Variants in TOGARAM1 observed in about 807,000 individuals in gnomAD.
TOGARAM1 encodes TOG array regulator of axonemal microtubules protein 1.
A neutral mutation model predicts 166.6 loss-of-function variants in TOGARAM1; 100 were observed. The observed-to-expected ratio is 0.60, with a 90% CI of 0.51 to 0.71. TOGARAM1 has a LOEUF of 0.71. TOGARAM1 is among the 30% of genes least tolerant of loss of function. TOGARAM1 has a pLI of 0.00. For synonymous variants in TOGARAM1, 758 were observed against 763.8 expected (o/e 0.99, Z 0.13); for missense variants, 2,029 against 2,102.7 (o/e 0.96, Z 0.69).
intron 8 of TOGARAM1, among the ~76,000 whole-genome samples, chr14:45,026,722 G>A (rs1312812074): frequency 6.6e-6 from 1 of 151,998 alleles, no homozygotes; most frequent in Non-Finnish European, 1.5e-5. Context: ...AGCTCTGCCA[G>A]GTGCAGTGGC....
rs1594597363 is a variant in TOGARAM1 at position 44,964,176 on chromosome 14, A to G, written c.1755A>G (p.Gly585=). Reference sequence around the variant, plus strand: ...CCTTACCAAGGCTCACAGAGCAGGGATTTGTGGAATATGCAGTACTGATGC... The same window carrying G: ...CCTTACCAAGGCTCACAGAGCAGGGGTTTGTGGAATATGCAGTACTGATGC... ...RKTLPRLTEQ[G]FVEYAVLMPS... The change falls in exon 1 of 20, where the codon GGA becomes GGG. Residue 585 remains glycine (G), a synonymous_variant. Transcript: ENST00000361462. 3 of 1,614,038 alleles carry G rather than the reference A, an allele frequency of 1.9e-6. No homozygotes were observed. The highest frequency in any genetic ancestry group is 2.5e-6 in the Non-Finnish European group (3 of 1,180,036).
intron 11 of TOGARAM1, among the ~76,000 whole-genome samples, chr14:45,042,631 T>C (rs1219492084): frequency 2.6e-5 from 4 of 152,186 alleles, no homozygotes; most frequent in Non-Finnish European, 5.9e-5. Context: ...AATTATAATC[T>C]TTTAAATCTA....
chr14:45,024,914 C>T (rs937960650), intron 7 of TOGARAM1, among the ~76,000 whole-genome samples: 2 of 152,202 alleles, frequency 1.3e-5, no homozygotes, highest in Non-Finnish European at 2.9e-5. Flanking sequence ...TTTCATAAAA[C>T]CTAAAGCAAT....
chr14:45,045,925 G>T (rs1399808247), intron 13 of TOGARAM1, among the ~76,000 whole-genome samples: 1 of 151,502 alleles, frequency 6.6e-6, no homozygotes, highest in East Asian at 1.9e-4. Context: ...AGGATTGCTA[G>T]ATCAAATGGT....
intron 1 of TOGARAM1, among the ~76,000 whole-genome samples, chr14:44,990,492 G>A (rs989991038): frequency 5.3e-5 from 8 of 152,204 alleles, no homozygotes; most frequent in African/African-American, 1.7e-4. Context: ...TGGACTCAGA[G>A]GGACAATATA....
intron 7 of TOGARAM1, among the ~76,000 whole-genome samples, chr14:45,014,208 G>T (rs556521630): frequency 6.6e-6 from 1 of 151,994 alleles, no homozygotes; most frequent in East Asian, 1.9e-4. Context: ...ACTACGCCTG[G>T]CTAATTTTTT....
intron 11 of TOGARAM1, among the ~76,000 whole-genome samples, chr14:45,041,890 G>C (rs1209291130): frequency 1.3e-5 from 2 of 152,316 alleles, no homozygotes; most frequent in East Asian, 3.9e-4. Context: ...AGCCACACAA[G>C]TAGCTGTGAC....
chr14:45,031,821 A>G (rs1448148827), intron 10 of TOGARAM1, among the ~76,000 whole-genome samples: 1 of 152,178 alleles, frequency 6.6e-6, no homozygotes. Flanking sequence ...TCCATAATAA[A>G]TATTCATCAC....
At chr14:45,024,701 A>G (rs1332721201) in intron 7 of TOGARAM1, among the ~76,000 whole-genome samples, 8 of 152,278 alleles carry the variant, frequency 5.3e-5, no homozygotes, top group Non-Finnish European at 8.8e-5. Flanking sequence ...CTGTTAGTTG[A>G]TGTGTGTACT....
rs1887578303 is a variant in TOGARAM1 at position 44,999,287 on chromosome 14, A to G, written c.2204-76A>G. On this transcript the variant is annotated intron_variant, in intron 2 of 19. Coordinates refer to ENST00000361462, the MANE Select transcript of TOGARAM1 (RefSeq NM_001308120.2). Reference sequence around the variant, plus strand: ...TTATTTCCACCTAAATTACACCAACATTTATGAAATAAAATGTATTCATGA... The same window carrying G: ...TTATTTCCACCTAAATTACACCAACGTTTATGAAATAAAATGTATTCATGA... The G allele has an allele frequency of 3.6e-6, 5 of 1,406,578 alleles. No homozygotes were observed. The South Asian group carries it at 5.1e-5, about 14-fold the overall frequency. 87.1% of individuals were successfully genotyped at this position (1,406,578 alleles called of 1,614,324 possible). A position where few individuals can be genotyped will look rare whatever the true frequency, so the allele number is the denominator to read the frequency against.
At chr14:44,988,219 C>T (rs988752843) in intron 1 of TOGARAM1, among the ~76,000 whole-genome samples, 4 of 151,904 alleles carry the variant, frequency 2.6e-5, no homozygotes, top group East Asian at 1.9e-4. Flanking sequence ...CAAACCTGCA[C>T]ATTGTGCACA....
chr14:44,984,925 G>C (rs774273479), intron 1 of TOGARAM1, among the ~76,000 whole-genome samples: 1 of 152,038 alleles, frequency 6.6e-6, no homozygotes, highest in Non-Finnish European at 1.5e-5. Context: ...GAAAATGTCA[G>C]CTTTATGTAT....
At chr14:44,998,863 A>C (rs1270840880) in intron 2 of TOGARAM1, among the ~76,000 whole-genome samples, 2 of 152,164 alleles carry the variant, frequency 1.3e-5, no homozygotes, top group South Asian at 4.1e-4. Flanking sequence ...GGAAACAGGA[A>C]ACATATCTGG....
At chr14:45,037,109 C>T (rs1881475286) in intron 11 of TOGARAM1, among the ~76,000 whole-genome samples, 2 of 152,154 alleles carry the variant, frequency 1.3e-5, no homozygotes, top group Admixed American at 1.3e-4. Flanking sequence ...ATAGCCAAAC[C>T]CTATCAATTA....
intron 1 of TOGARAM1, among the ~76,000 whole-genome samples, chr14:44,990,005 C>T (rs770233392): frequency 6.6e-6 from 1 of 152,134 alleles, no homozygotes; most frequent in Non-Finnish European, 1.5e-5. Flanking sequence ...CATGAGAATT[C>T]ACTATCATGA....
intron 1 of TOGARAM1, among the ~76,000 whole-genome samples, chr14:44,969,175 T>TC (rs1566595872): frequency 6.8e-6 from 1 of 146,352 alleles, no homozygotes; most frequent in African/African-American, 2.6e-5. Context: ...TTCTTTTCTT[T>TC]TTTTTTTTTT....
intron 7 of TOGARAM1, among the ~76,000 whole-genome samples, chr14:45,016,052 T>G (rs570627897): frequency 6.6e-6 from 1 of 151,742 alleles, no homozygotes; most frequent in South Asian, 2.1e-4. Flanking sequence ...AATTCTGGAT[T>G]AAAAAAAATT....
At chr14:44,994,511 C>T (rs1887322254) in intron 1 of TOGARAM1, among the ~76,000 whole-genome samples, 2 of 151,752 alleles carry the variant, frequency 1.3e-5, no homozygotes, top group South Asian at 4.2e-4. Flanking sequence ...CTCTACCTTT[C>T]AGGTTCAAGT....
At chr14:45,001,258 A>T (rs574652503) in intron 3 of TOGARAM1, among the ~76,000 whole-genome samples, 1 of 152,330 alleles carries the variant, frequency 6.6e-6, no homozygotes, top group African/African-American at 2.4e-5. Context: ...ATCGAATCAA[A>T]ATTTATTGAA....
Sources: gnomAD v4.1 joint callset for allele counts (sites outside exome capture counted in the v4.1 genomes callset) on GRCh38, gnomAD v4.1.1 for gene constraint, MANE v1.5 for transcripts, NCBI Gene and HGNC (gene_info 2026-07-23, HGNC 2026-07-21) for gene names.